The following ITGA1 variants were observed in gnomAD, a reference collection of about 807,000 sequenced individuals.
ITGA1 encodes the protein integrin alpha-1.
Under a neutral mutation model 145.9 loss-of-function variants are expected in ITGA1, and 85 were observed. That is an observed-to-expected ratio of 0.58 (90% CI 0.49 to 0.70). The LOEUF is 0.70. Ranked by LOEUF, ITGA1 falls within the 30% of genes least tolerant of loss-of-function variation. ITGA1 has a pLI of 0.00. For missense variants in ITGA1, 1,351 were observed against 1,418.7 expected (o/e 0.95, Z 0.77); for synonymous variants, 520 against 495.3 (o/e 1.05, Z -0.66).
At chr5:52,927,488 G>GCAGT (rs1315038346) in intron 19 of ITGA1, 96 bp from the exon 20 acceptor site, 4 of 744,290 alleles carry the variant, frequency 5.4e-6, no homozygotes, top group Non-Finnish European at 9.0e-6. Context: ...TAGTGGCAAG[G>GCAGT]CAGTCACCAA....
intron 1 of ITGA1, among the ~76,000 whole-genome samples, chr5:52,829,253 T>A (rs1453565416): frequency 6.6e-6 from 1 of 152,120 alleles, no homozygotes; most frequent in Non-Finnish European, 1.5e-5. Context: ...TGGTCAGATG[T>A]GGTGGCTCAT....
intron 9 of ITGA1, 27 bp from the exon 10 acceptor site, chr5:52,897,428 T>G (rs1750243628): frequency 6.6e-7 from 1 of 1,508,084 alleles, no homozygotes; most frequent in East Asian, 2.3e-5. Context: ...TGTTACTTAT[T>G]TACAGTGATA....
chr5:52,898,631 G>A (rs570764163), intron 11 of ITGA1, among the ~76,000 whole-genome samples: 50 of 152,108 alleles, frequency 3.3e-4, no homozygotes, highest in African/African-American at 1.1e-3. Context: ...GTTGATATGT[G>A]CCCTTTCTGA....
rs113833498 is a variant in ITGA1, at chr5:52,933,939, C to A, written c.2907C>A (p.Val969=). Residue 969 remains valine, a synonymous_variant, in exon 23 of 29, where the codon GTC becomes GTA. Coordinates refer to ENST00000282588, the MANE Select transcript of ITGA1 (RefSeq NM_181501.2). ...YHISIAANET[V]PEVINSTEDI... ...TTTCAATTGCTGCCAATGAGACAGT[C>A]CCTGAAGTTATTAATTCTACTGAGG... The A allele has an allele frequency of 7.8e-6, 12 of 1,531,620 alleles. No individual in the cohort carries two copies. The South Asian group carries it at 1.3e-4, about 17-fold the overall frequency. The allele number at this position is 1,531,620 out of a possible 1,614,324, so 94.9% of individuals were successfully genotyped here. A position where few individuals can be genotyped will look rare whatever the true frequency, so the allele number is the denominator to read the frequency against.
Position 52,823,307 on chromosome 5 carries a change from C to T in ITGA1, c.62-26058C>T, listed in dbSNP as rs184383354. Among the ~76,000 whole-genome samples the T allele has an allele frequency of 4.9e-3, 742 of 152,246 alleles. 4 individuals are homozygous for T. Among genetic ancestry groups the T allele is most frequent in the Non-Finnish European group, 4.4e-3 (299 of 68,006 alleles). Reference sequence around the variant, plus strand: ...GCAACCTCCGCCTCCCGGGTTCAAGCAATTCTCCTGCCTCAGCCTCCCGAG... The same window carrying T: ...GCAACCTCCGCCTCCCGGGTTCAAGTAATTCTCCTGCCTCAGCCTCCCGAG... On this transcript the variant is annotated intron_variant, in intron 1 of 28. Transcript: ENST00000282588.
chr5:52,850,553 A>C (rs541472224), intron 2 of ITGA1, among the ~76,000 whole-genome samples: 1 of 152,310 alleles, frequency 6.6e-6, no homozygotes, highest in African/African-American at 2.4e-5. Flanking sequence ...ATGAATCACT[A>C]TAATTATTTC....
chr5:52,809,783 G>A (rs182437749), intron 1 of ITGA1, among the ~76,000 whole-genome samples: 5 of 152,222 alleles, frequency 3.3e-5, no homozygotes, highest in South Asian at 2.1e-4. Context: ...GATTACAGGC[G>A]TGAGTCACTG....
chr5:52,867,948 G>A (rs1464159056), intron 6 of ITGA1, among the ~76,000 whole-genome samples: 3 of 151,866 alleles, frequency 2.0e-5, no homozygotes, highest in African/African-American at 7.3e-5. Context: ...TATTTCATGA[G>A]GATGACTGTC....
intron 1 of ITGA1, among the ~76,000 whole-genome samples, chr5:52,847,497 C>T (rs1403545406): frequency 2.0e-5 from 3 of 152,112 alleles, no homozygotes; most frequent in Non-Finnish European, 1.5e-5. Flanking sequence ...TCTGAATGTA[C>T]CTGATGAGGC....
Position 52,898,346 on chromosome 5 carries a change from GTC to G in ITGA1, c.1274_1275del (p.Ser425TyrfsTer5). On this transcript the variant is annotated frameshift_variant, in exon 11 of 29. Transcript: ENST00000282588. LOFTEE classifies it high-confidence loss of function. ...CTCGAAACACAACCTTTAATGTTGA[GTC>G]TACCAAAAAGAATGAACCGCTTGCT... ...IPRNTTFNVE[S>X]TKKNEPLASY... is the part of the protein sequence containing the mutation. 1 of 1,609,942 alleles carries G rather than the reference GTC, an allele frequency of 6.2e-7. No individual in the cohort carries two copies. Among genetic ancestry groups the G allele is most frequent in the Non-Finnish European group, 8.5e-7 (1 of 1,177,666 alleles).
At chr5:52,816,964 G>C (rs1205465892) in intron 1 of ITGA1, among the ~76,000 whole-genome samples, 2 of 152,140 alleles carry the variant, frequency 1.3e-5, no homozygotes, top group Non-Finnish European at 2.9e-5. Flanking sequence ...TGCCTTAACA[G>C]AATTGGCACC....
chr5:52,860,583 T>C (rs1380779680), intron 2 of ITGA1, among the ~76,000 whole-genome samples: 2 of 152,032 alleles, frequency 1.3e-5, no homozygotes, highest in Non-Finnish European at 2.9e-5. Flanking sequence ...AAAAATAAAG[T>C]TGTAATCTAA....
chr5:52,854,486 T>A (rs1340525725), intron 2 of ITGA1, among the ~76,000 whole-genome samples: 1 of 152,140 alleles, frequency 6.6e-6, no homozygotes, highest in Admixed American at 6.6e-5. Context: ...AGTTAATGGG[T>A]CACTGTGTAA....
chr5:52,932,210 G>A, intron 22 of ITGA1, 74 bp downstream of exon 22: 1 of 887,484 alleles, frequency 1.1e-6, no homozygotes, highest in Non-Finnish European at 1.8e-6. Flanking sequence ...GTCCCTGCCT[G>A]GCCAAGGGCA....
At chr5:52,856,607 C>T (rs896792185) in intron 2 of ITGA1, among the ~76,000 whole-genome samples, 1 of 151,976 alleles carries the variant, frequency 6.6e-6, no homozygotes, top group African/African-American at 2.4e-5. Context: ...TCTACAAGCC[C>T]ACCACCCTTC....
intron 3 of ITGA1, among the ~76,000 whole-genome samples, chr5:52,864,505 A>T (rs1208080895): frequency 1.3e-5 from 2 of 152,204 alleles, no homozygotes; most frequent in Non-Finnish European, 2.9e-5. Flanking sequence ...GCAATCCCAC[A>T]TTCTCATTGC....
At chr5:52,812,715 A>C (rs1428476667) in intron 1 of ITGA1, among the ~76,000 whole-genome samples, 1 of 151,984 alleles carries the variant, frequency 6.6e-6, no homozygotes, top group Non-Finnish European at 1.5e-5. Flanking sequence ...GCAAGGAATA[A>C]ATGATATGAT....
intron 7 of ITGA1, among the ~76,000 whole-genome samples, chr5:52,883,963 C>A (rs1194637319): frequency 1.3e-5 from 2 of 152,140 alleles, no homozygotes; most frequent in African/African-American, 4.8e-5. Flanking sequence ...GCCTTTTAAT[C>A]ATCTCCTTCA....
At chr5:52,839,929 A>G (rs750776058) in intron 1 of ITGA1, among the ~76,000 whole-genome samples, 43 of 152,196 alleles carry the variant, frequency 2.8e-4, no homozygotes, top group Non-Finnish European at 5.6e-4. Context: ...TGCCTTCAAA[A>G]GCTCACATCC....
Sources: allele counts gnomAD v4.1 joint callset (sites outside exome capture counted in the v4.1 genomes callset), GRCh38; gene constraint gnomAD v4.1.1; transcripts MANE v1.5; gene names NCBI Gene and HGNC (gene_info 2026-07-23, HGNC 2026-07-21).